Variants in ALKBH8 observed in about 807,000 individuals in gnomAD.
ALKBH8 encodes the protein tRNA (carboxymethyluridine(34)-5-O)-methyltransferase ALKBH8.
Under a neutral mutation model 59.8 loss-of-function variants are expected in ALKBH8, and 36 were observed. The ratio of observed to expected loss-of-function variants is 0.60; its 90% CI spans 0.46 to 0.79. The LOEUF (loss-of-function observed/expected upper bound fraction) is 0.79, where lower values mean the gene tolerates loss of function less well. ALKBH8 is among the 30% of genes least tolerant of loss of function. The pLI, the probability that ALKBH8 is intolerant of heterozygous loss-of-function variation, is 0.00. For missense variants in ALKBH8, 768 were observed against 801.0 expected (o/e 0.96, Z 0.50); for synonymous variants, 276 against 273.6 (o/e 1.01, Z -0.09).
At chr11:107,542,983 G>A (rs1864105417) in intron 7 of ALKBH8, among the ~76,000 whole-genome samples, 1 of 152,172 alleles carries the variant, frequency 6.6e-6, no homozygotes, top group African/African-American at 2.4e-5. Context: ...AGGAAACCCA[G>A]AAAGAGCAAA....
chr11:107,562,979 G>A (rs1230553146), intron 1 of ALKBH8, among the ~76,000 whole-genome samples: 1 of 152,160 alleles, frequency 6.6e-6, no homozygotes, highest in Non-Finnish European at 1.5e-5. Flanking sequence ...ACTAAGAGAT[G>A]AGTGCTACCA....
chr11:107,551,694 CA>C (rs1204968155), intron 6 of ALKBH8, 113 bp downstream of exon 6: 2,717 of 239,798 alleles, frequency 0.011, 1 homozygote, highest in East Asian at 0.023. Context: ...AACTCCATCT[CA>C]AAAAAAAAAA....
In ALKBH8 at chr11:107,556,786, T is replaced by G. The variant is rs777750023; in HGVS notation, c.347A>C (p.Tyr116Ser). 1 of 1,401,800 alleles carries G rather than the reference T, an allele frequency of 7.1e-7. No individual in the cohort carries two copies. Among genetic ancestry groups the G allele is most frequent in the Non-Finnish European group, 9.4e-7 (1 of 1,068,070 alleles). 86.8% of individuals were successfully genotyped at this position (1,401,800 alleles called of 1,614,324 possible). ...AATACCTTTTTCCACAAAATTCAAA[T>G]ACAGAGTGATCTTTTGTCCTAAATC... is the stretch of plus-strand genomic sequence containing the variant. Reference protein sequence around the residue: ...VDDLGQKITLYLNFVEKVQWK... With the variant: ...VDDLGQKITLSLNFVEKVQWK... Residue 116 changes from tyrosine to serine, a missense_variant, in exon 3 of 12, where the codon TAT becomes TCT. Physicochemically the swap from Tyr to Ser is moderately radical, Grantham distance 144 (BLOSUM62 -2). Coordinates refer to ENST00000428149, the MANE Select transcript of ALKBH8 (RefSeq NM_138775.3).
chr11:107,552,309 C>T (rs1243321904), intron 5 of ALKBH8, among the ~76,000 whole-genome samples: 1 of 151,534 alleles, frequency 6.6e-6, no homozygotes, highest in Non-Finnish European at 1.5e-5. Flanking sequence ...GTGGAACTAA[C>T]TTACTTTTAT....
At chr11:107,541,341 T>G (rs536634374) in intron 7 of ALKBH8, among the ~76,000 whole-genome samples, 16 of 152,202 alleles carry the variant, frequency 1.1e-4, no homozygotes, top group Non-Finnish European at 2.1e-4. Flanking sequence ...ATTGTCTCCA[T>G]AGTCAATTAA....
At chr11:107,505,701 A>G (rs1329000838) in intron 11 of ALKBH8, among the ~76,000 whole-genome samples, 1 of 152,260 alleles carries the variant, frequency 6.6e-6, no homozygotes, top group Non-Finnish European at 1.5e-5. Flanking sequence ...GGCACTGGAG[A>G]GTAACACTGC....
At chr11:107,555,849 C>T (rs995615988) in intron 3 of ALKBH8, among the ~76,000 whole-genome samples, 2 of 152,158 alleles carry the variant, frequency 1.3e-5, no homozygotes, top group African/African-American at 4.8e-5. Flanking sequence ...TTCTGTAAAT[C>T]AATATATAAA....
intron 7 of ALKBH8, among the ~76,000 whole-genome samples, chr11:107,543,797 A>G (rs1165445157): frequency 6.6e-6 from 1 of 152,070 alleles, no homozygotes; most frequent in Non-Finnish European, 1.5e-5. Flanking sequence ...TAAATGTGAA[A>G]ATTTGATTAT....
At position 107,511,012 on chromosome 11, in the gene ALKBH8, G is replaced by A; in HGVS notation, c.1312C>T (p.Leu438Phe). 1 of 1,551,938 alleles carries A rather than the reference G, an allele frequency of 6.4e-7. No homozygotes were observed. The highest frequency in any genetic ancestry group is 8.7e-7 in the Non-Finnish European group (1 of 1,146,998). ...YMIGCDRSQN[L>F]VDICRERQFQ... ...TGCCTCTCTCTACAAATGTCCACAA[G>A]GTTTTGGCTACGATCACAACCAATC... The change falls in exon 11 of 12, where the codon CTT becomes TTT. Residue 438 changes from leucine (L) to phenylalanine (F), a missense_variant. By Grantham distance (22) the Leu-to-Phe change is conservative. Coordinates refer to ENST00000428149, the MANE Select transcript of ALKBH8 (RefSeq NM_138775.3).
At chr11:107,556,448 T>C (rs1000847684) in intron 3 of ALKBH8, among the ~76,000 whole-genome samples, 7 of 152,164 alleles carry the variant, frequency 4.6e-5, no homozygotes, top group Admixed American at 2.0e-4. Flanking sequence ...AAACTAGTAA[T>C]GCAAACCCTC....
chr11:107,532,523 T>C (rs1316633631), intron 7 of ALKBH8, 117 bp from the exon 8 acceptor site: 2 of 770,634 alleles, frequency 2.6e-6, no homozygotes, highest in Non-Finnish European at 4.3e-6. Flanking sequence ...AACATAATAA[T>C]GCTTGCAGAA....
At chr11:107,514,280 T>C (rs997329776) in intron 10 of ALKBH8, among the ~76,000 whole-genome samples, 2 of 152,114 alleles carry the variant, frequency 1.3e-5, no homozygotes, top group Non-Finnish European at 2.9e-5. Context: ...AAACATTACA[T>C]TACAGAGTTT....
rs1215200859 is a variant in ALKBH8 at position 107,565,674 on chromosome 11, A to G, written c.-80T>C. ...TTGCCAGCCTCTCCACTCTAGCACC[A>G]GAACACCGCAGCGGATACTTGCACG... On this transcript the variant is annotated 5_prime_UTR_variant, in exon 1 of 12. Coordinates refer to ENST00000428149, the MANE Select transcript of ALKBH8 (RefSeq NM_138775.3). 1 of 1,535,712 alleles carries G rather than the reference A, an allele frequency of 6.5e-7. No homozygotes were observed. The highest frequency in any genetic ancestry group is 8.7e-7 in the Non-Finnish European group (1 of 1,146,872).
chr11:107,504,513 T>C lies in ALKBH8; in HGVS notation c.*145A>G, dbSNP rs1471813147. On this transcript the variant is annotated 3_prime_UTR_variant, in exon 12 of 12. Transcript: ENST00000428149. ...CAGGAGACATTTGAATGTCTCCTAA[T>C]GAATCCCTACTTCCAAATTTTTCTC... The C allele has an allele frequency of 1.0e-5, 10 of 974,368 alleles. No individual in the cohort carries two copies. The highest frequency in any genetic ancestry group is 1.6e-5 in the Non-Finnish European group (10 of 632,146). The allele number at this position is 974,368 out of a possible 1,614,324, so 60.4% of individuals were successfully genotyped here.
At chr11:107,565,532 C>T (rs1865098421) in intron 1 of ALKBH8, 69 bp downstream of exon 1, 5 of 1,533,566 alleles carry the variant, frequency 3.3e-6, no homozygotes, top group Non-Finnish European at 4.4e-6. Flanking sequence ...TAGAGAAGAC[C>T]GGAAGAGGCT....
intron 10 of ALKBH8, among the ~76,000 whole-genome samples, chr11:107,512,217 G>GAC (rs10590443): frequency 4.4e-4 from 67 of 151,126 alleles, no homozygotes; most frequent in Middle Eastern, 3.4e-3. Flanking sequence ...GTAATATACA[G>GAC]ACACACACAC....
intron 5 of ALKBH8, among the ~76,000 whole-genome samples, chr11:107,552,833 T>C (rs1864551306): frequency 1.3e-5 from 2 of 152,142 alleles, no homozygotes; most frequent in Admixed American, 1.3e-4. Flanking sequence ...TAAATGTCTA[T>C]CGATAGAGAA....
Position 107,504,649 on chromosome 11 carries a change from G to A in ALKBH8, c.*9C>T. The A allele has an allele frequency of 1.9e-6, 3 of 1,544,104 alleles. No individual in the cohort carries two copies. Among genetic ancestry groups the A allele is most frequent in the Non-Finnish European group, 2.6e-6 (3 of 1,144,232 alleles). On this transcript the variant is annotated 3_prime_UTR_variant, in exon 12 of 12. Transcript: ENST00000428149. ...TTCTTCTTTATATATGATGTGTTCA[G>A]GTAAATAATCAGGCCTTTTGAAGAA...
chr11:107,554,029 A>G (rs1182126746), intron 3 of ALKBH8, 51 bp from the exon 4 acceptor site: 1 of 1,597,478 alleles, frequency 6.3e-7, no homozygotes, highest in Non-Finnish European at 8.5e-7. Context: ...AAGTTCCTAT[A>G]TACAAATAAT....
Sources: gnomAD v4.1 joint callset for allele counts (sites outside exome capture counted in the v4.1 genomes callset) on GRCh38, gnomAD v4.1.1 for gene constraint, MANE v1.5 for transcripts, NCBI Gene and HGNC (gene_info 2026-07-23, HGNC 2026-07-21) for gene names.